PPFIA2: variants seen among roughly 807,000 people sequenced by gnomAD.
PPFIA2 encodes the protein liprin-alpha-2.
In PPFIA2, 46 loss-of-function variants were observed where a neutral mutation model predicts 175.5. The ratio of observed to expected loss-of-function variants is 0.26; its 90% CI spans 0.21 to 0.34. The LOEUF (loss-of-function observed/expected upper bound fraction) is 0.34. Among genes scored for constraint, PPFIA2 ranks in the 10% least tolerant of loss-of-function variants. The pLI is 1.00. For missense variants in PPFIA2, 1,179 were observed against 1,506.1 expected, an observed-to-expected ratio of 0.78 and a Z score of 3.60; for synonymous variants, 568 against 511.4, an observed-to-expected ratio of 1.11 and a Z score of -1.49.
At chr12:81,625,924 G>C (rs1595748512) in intron 4 of PPFIA2, among the ~76,000 whole-genome samples, 1 of 149,812 alleles carries the variant, frequency 6.7e-6, no homozygotes, top group South Asian at 2.1e-4. Flanking sequence ...TTGTCAAAGA[G>C]AGAGAAATGA....
At chr12:81,615,149 G>A (rs2061324249) in intron 4 of PPFIA2, among the ~76,000 whole-genome samples, 1 of 152,170 alleles carries the variant, frequency 6.6e-6, no homozygotes, top group South Asian at 2.1e-4. Flanking sequence ...AAATGGATTG[G>A]GAAAGATAGA....
chr12:81,412,396 T>C (rs1168005213), intron 7 of PPFIA2, among the ~76,000 whole-genome samples: 1 of 151,502 alleles, frequency 6.6e-6, no homozygotes, highest in Non-Finnish European at 1.5e-5. Context: ...AATTATTTAT[T>C]TAGCTCTTAT....
In PPFIA2 at chr12:81,295,419, T is replaced by C. The variant is rs368938175; in HGVS notation, c.2725-384A>G. Among the ~76,000 whole-genome samples the C allele has an allele frequency of 3.3e-5, 5 of 152,272 alleles. No homozygotes were observed. The East Asian group carries it at 7.7e-4, about 24-fold the overall frequency. ...ATGTTTGCTTAATGAGTGGCTTCAA[T>C]TTATAATGCTTCTTTGGAATTCTGA... On this transcript the variant is annotated intron_variant, in intron 23 of 32. Transcript: ENST00000549396.
In PPFIA2 at chr12:81,405,891, G is replaced by A. The variant is rs1170806811; in HGVS notation, c.658C>T (p.Arg220Cys). 3 of 1,559,928 alleles carry A rather than the reference G, an allele frequency of 1.9e-6. No homozygotes were observed. The highest frequency in any genetic ancestry group is 2.3e-5 in the East Asian group (1 of 42,618). Residue 220 changes from arginine to cysteine, a missense_variant, in exon 8 of 33, where the codon CGT becomes TGT. Physicochemically the swap from Arg to Cys is radical, Grantham distance 180. Around this residue, in one of 10 missense-constraint regions of PPFIA2, gnomAD observed 226 missense variants for 216.6 expected, o/e 1.04. Transcript: ENST00000549396. ...AAANQEIVAL[R>C]EQNVHIQRKM... is the part of the protein sequence containing the mutation. ...CTTTGTATATGAACATTTTGTTCAC[G>A]CAAGGCAACAATCTGCAAAATAAAA...
chr12:81,653,387 G>A (rs2067297081), intron 4 of PPFIA2, among the ~76,000 whole-genome samples: 2 of 152,082 alleles, frequency 1.3e-5, no homozygotes, highest in African/African-American at 4.8e-5. Flanking sequence ...TAGTGGTGCT[G>A]TAGCAAATTA....
chr12:81,463,696 G>A (rs1395183647), intron 4 of PPFIA2, among the ~76,000 whole-genome samples: 1 of 152,008 alleles, frequency 6.6e-6, no homozygotes, highest in Non-Finnish European at 1.5e-5. Flanking sequence ...AAGCAAAGAA[G>A]CAAGTTAAAG....
At chr12:81,401,832 G>A (rs116917165) in intron 8 of PPFIA2, among the ~76,000 whole-genome samples, 3,058 of 152,174 alleles carry the variant, frequency 0.02, 58 homozygotes, top group Non-Finnish European at 0.029. Flanking sequence ...CTGAAAAGGT[G>A]GAATTTAGTG....
At chr12:81,701,915 T>TG (rs1555617249) in intron 3 of PPFIA2, among the ~76,000 whole-genome samples, 2 of 84,206 alleles carry the variant, frequency 2.4e-5, no homozygotes, top group Non-Finnish European at 4.4e-5. Context: ...ATGGGAAGAC[T>TG]AAAAAAAAAA....
chr12:81,454,317 TATG>T (rs1008042060), intron 5 of PPFIA2, among the ~76,000 whole-genome samples: 2 of 152,226 alleles, frequency 1.3e-5, no homozygotes, highest in Non-Finnish European at 2.9e-5. Context: ...GACATAGGAA[TATG>T]ATTTCTTAAA....
At chr12:81,511,809 T>C (rs531275801) in intron 4 of PPFIA2, among the ~76,000 whole-genome samples, 1 of 152,168 alleles carries the variant, frequency 6.6e-6, no homozygotes, top group South Asian at 2.1e-4. Flanking sequence ...CCTGAGCTGA[T>C]TGTCTAACTG....
intron 22 of PPFIA2, among the ~76,000 whole-genome samples, chr12:81,315,473 T>C (rs1320231880): frequency 6.6e-6 from 1 of 151,586 alleles, no homozygotes; most frequent in Non-Finnish European, 1.5e-5. Flanking sequence ...AAGGTGATAA[T>C]GCACTGGAAA....
intron 3 of PPFIA2, among the ~76,000 whole-genome samples, chr12:81,744,721 C>T (rs1444435480): frequency 2.6e-5 from 4 of 152,192 alleles, no homozygotes; most frequent in Admixed American, 2.6e-4. Flanking sequence ...CCACTGCGCC[C>T]AGCCACAAGA....
At chr12:81,598,486 C>G in intron 4 of PPFIA2, 4 of 464,028 alleles carry the variant, frequency 8.6e-6, no homozygotes, top group Non-Finnish European at 1.1e-5. Flanking sequence ...ATTCAGAGGA[C>G]CTCTTCTGAC....
intron 5 of PPFIA2, among the ~76,000 whole-genome samples, chr12:81,457,317 G>A (rs938905002): frequency 1.0e-4 from 15 of 149,124 alleles, no homozygotes; most frequent in Admixed American, 1.3e-4. Flanking sequence ...AAAATCTTCT[G>A]CTGGGAGGAG....
At chr12:81,565,906 C>T (rs1388498473) in intron 4 of PPFIA2, among the ~76,000 whole-genome samples, 1 of 152,184 alleles carries the variant, frequency 6.6e-6, no homozygotes, top group Non-Finnish European at 1.5e-5. Context: ...TAACTATTTA[C>T]TTTCCTTTGT....
At chr12:81,552,897 T>A (rs1458643824) in intron 4 of PPFIA2, among the ~76,000 whole-genome samples, 1 of 152,024 alleles carries the variant, frequency 6.6e-6, no homozygotes, top group Non-Finnish European at 1.5e-5. Context: ...ACGAAACAAG[T>A]AGTTGTAATG....
At chr12:81,509,991 C>G (rs1290762790) in intron 4 of PPFIA2, among the ~76,000 whole-genome samples, 1 of 152,120 alleles carries the variant, frequency 6.6e-6, no homozygotes, top group African/African-American at 2.4e-5. Context: ...TAAAAGCAAC[C>G]TCACCACTCC....
At chr12:81,428,247 C>A (rs2047491150) in intron 7 of PPFIA2, among the ~76,000 whole-genome samples, 1 of 151,872 alleles carries the variant, frequency 6.6e-6, no homozygotes, top group Non-Finnish European at 1.5e-5. Context: ...CTTATGCTCT[C>A]ATCAAAGAAA....
At chr12:81,647,462 T>A (rs2066282594) in intron 4 of PPFIA2, among the ~76,000 whole-genome samples, 1 of 151,882 alleles carries the variant, frequency 6.6e-6, no homozygotes, top group Non-Finnish European at 1.5e-5. Context: ...CGTAGTAAAA[T>A]TATTAAAAAC....
Sources: allele counts gnomAD v4.1 joint callset (sites outside exome capture counted in the v4.1 genomes callset), GRCh38; gene constraint gnomAD v4.1.1; regional missense constraint gnomAD v4.1.1; transcripts MANE v1.5; gene names NCBI Gene and HGNC (gene_info 2026-07-23, HGNC 2026-07-21).